DDX27: variants seen among roughly 807,000 people sequenced by gnomAD.
DDX27 encodes the protein DEAD-box helicase 27, also known as probable ATP-dependent RNA helicase DDX27.
Under a neutral mutation model 99.3 loss-of-function variants are expected in DDX27, and 42 were observed. The ratio of observed to expected loss-of-function variants is 0.42; its 90% CI spans 0.33 to 0.55. DDX27 has a LOEUF of 0.55. Ranked by LOEUF, DDX27 falls within the 20% of genes least tolerant of loss-of-function variation. The pLI is 0.07. For synonymous variants in DDX27, 329 were observed against 353.8 expected (o/e 0.93, Z 0.79); for missense variants, 798 against 976.8 (o/e 0.82, Z 2.44).
intron 1 of DDX27, 89 bp from the exon 2 acceptor site, chr20:49,221,363 C>T (rs548768470): frequency 1.3e-5 from 19 of 1,506,312 alleles, no homozygotes; most frequent in Admixed American, 1.8e-5. Flanking sequence ...GCTGGGATTA[C>T]AGGTGTGAGC....
At chr20:49,219,770 T>C (rs1979568002) in intron 1 of DDX27, among the ~76,000 whole-genome samples, 1 of 152,134 alleles carries the variant, frequency 6.6e-6, no homozygotes, top group African/African-American at 2.4e-5. Context: ...GAACTCAGTA[T>C]CTATTCACTG....
intron 14 of DDX27, chr20:49,238,467 A>AT (rs11313004): frequency 8.2e-4 from 119 of 144,462 alleles, no homozygotes; most frequent in South Asian, 3.6e-3. Flanking sequence ...ATGATGGCTA[A>AT]TTTTTTTTTT....
chr20:49,240,272 T>G (rs755746642), intron 16 of DDX27, among the ~76,000 whole-genome samples: 16 of 152,206 alleles, frequency 1.1e-4, no homozygotes, highest in Non-Finnish European at 1.5e-4. Flanking sequence ...TAAAAATAAT[T>G]TTAAAAAAGT....
chr20:49,230,297 C>T lies in DDX27; in HGVS notation c.979C>T (p.Pro327Ser), dbSNP rs1980058827. ...GRLIDHLHNC[P>S]SFHLSSIEVL... ...GCTCATCGATCACCTCCACAACTGC[C>T]CTTCCTTCCACCTGAGCAGCATCGA... The change falls in exon 9 of 21, where the codon CCT (proline) becomes TCT (serine). Residue 327 changes from proline (P) to serine (S), a missense_variant. Pro to Ser is a moderately conservative substitution (Grantham distance 74). Transcript: ENST00000618172. 3.1e-6 allele frequency: 5 copies of T among 1,612,546 alleles called. No homozygotes were observed. The highest frequency in any genetic ancestry group is 3.4e-6 in the Non-Finnish European group (4 of 1,180,022).
At chr20:49,222,764 C>T (rs372619577) in intron 2 of DDX27, among the ~76,000 whole-genome samples, 193 bp from the exon 3 acceptor site, 3 of 152,044 alleles carry the variant, frequency 2.0e-5, no homozygotes, top group East Asian at 1.9e-4. Context: ...CTACCCACCT[C>T]GGCCTCCCAA....
intron 14 of DDX27, 158 bp from the exon 15 acceptor site, chr20:49,238,787 TTTTG>T: frequency 2.3e-5 from 6 of 259,620 alleles, no homozygotes; most frequent in South Asian, 1.2e-4. Flanking sequence ...TTTTTTTTTT[TTTTG>T]TAGAGACAGA....
chr20:49,222,358 G>A (rs933190237), intron 2 of DDX27, among the ~76,000 whole-genome samples: 4 of 151,430 alleles, frequency 2.6e-5, no homozygotes, highest in Non-Finnish European at 4.4e-5. Flanking sequence ...CACCCAGGCC[G>A]GAGTGCAATG....
At chr20:49,224,796 C>A in intron 4 of DDX27, 149 bp from the exon 5 acceptor site, 1 of 786,136 alleles carries the variant, frequency 1.3e-6, no homozygotes, top group Non-Finnish European at 2.1e-6. Flanking sequence ...CACCATGCTG[C>A]CACAAAGTGT....
intron 14 of DDX27, 132 bp from the exon 15 acceptor site, chr20:49,238,817 C>T: frequency 3.4e-6 from 2 of 584,820 alleles, no homozygotes; most frequent in Admixed American, 5.9e-5. Context: ...GCCACGTTGC[C>T]CAGGCTGGCC....
In DDX27 at chr20:49,226,498, G is replaced by C; in HGVS notation, c.669G>C (p.Leu223Phe). 1 of 1,614,074 alleles carries C rather than the reference G, an allele frequency of 6.2e-7. No individual in the cohort carries two copies. Among genetic ancestry groups the C allele is most frequent in the Non-Finnish European group, 8.5e-7 (1 of 1,179,992 alleles). The change falls in exon 7 of 21, where the codon TTG (leucine) becomes TTC (phenylalanine). Residue 223 changes from leucine to phenylalanine, a missense_variant. Around this residue, in one of 2 missense-constraint regions of DDX27, gnomAD observed 553 missense variants for 727.9 expected, o/e 0.76. Coordinates refer to ENST00000618172, the MANE Select transcript of DDX27 (RefSeq NM_017895.8). ...IQKACIPVGLLGKDICACAAT... is the reference protein window; with the variant it reads ...IQKACIPVGLFGKDICACAAT... ...AGGCGTGCATACCTGTGGGTCTATTGGGGAAGGACATCTGTGCCTGTGCAG... is the reference window on the plus strand; with the variant it reads ...AGGCGTGCATACCTGTGGGTCTATTCGGGAAGGACATCTGTGCCTGTGCAG...
intron 14 of DDX27, chr20:49,238,642 A>G: frequency 3.2e-6 from 1 of 314,780 alleles, no homozygotes; most frequent in Non-Finnish European, 5.9e-6. Flanking sequence ...TGATTTTTGT[A>G]TTTTTAATAG....
rs202184200 is a variant in DDX27, at chr20:49,223,444, C to T, written c.466+11C>T. 3.7e-3 allele frequency: 5,893 copies of T among 1,601,064 alleles called. 128 individuals are homozygous for T. The South Asian group carries it at 0.042, about 11-fold the overall frequency. The stretch of plus-strand genomic sequence containing the variant: ...TCCTCACCAAAGCAGGTAGACGTTA[C>T]GGCGGAGGTGTCAGTAATGGGGACA... On this transcript the variant is annotated intron_variant, in intron 4 of 20. Transcript: ENST00000618172.
intron 4 of DDX27, 139 bp downstream of exon 4, chr20:49,223,572 C>CT (rs375594056): frequency 0.089 from 38,956 of 438,394 alleles, 730 homozygotes; most frequent in African/African-American, 0.16. Context: ...TCCTTTCTTT[C>CT]TTTTTTTTTT....
chr20:49,225,127 T>G lies in DDX27; in HGVS notation c.528T>G (p.Phe176Leu). The G allele has an allele frequency of 6.2e-7, 1 of 1,614,124 alleles. No individual in the cohort carries two copies. The highest frequency in any genetic ancestry group is 2.2e-5 in the East Asian group (1 of 44,886). The change falls in exon 6 of 21, where the codon TTT becomes TTG. Residue 176 changes from phenylalanine (F) to leucine (L), a missense_variant. Transcript: ENST00000618172. ...KKKKGQEAGG[F>L]FEDASQYDEN... Reference sequence around the variant, plus strand: ...TTCTGGTGTAGGAAGCAGGAGGATTTTTTGAAGATGCATCTCAGTACGATG... The same window carrying G: ...TTCTGGTGTAGGAAGCAGGAGGATTGTTTGAAGATGCATCTCAGTACGATG...
intron 7 of DDX27, among the ~76,000 whole-genome samples, chr20:49,227,213 G>T (rs964638902): frequency 6.6e-6 from 1 of 152,128 alleles, no homozygotes; most frequent in African/African-American, 2.4e-5. Context: ...AGTATTTGTA[G>T]ATCAGTGGCA....
intron 6 of DDX27, among the ~76,000 whole-genome samples, chr20:49,225,690 C>T (rs238160): frequency 0.69 from 104,215 of 151,680 alleles, 36,600 homozygotes; most frequent in Non-Finnish European, 0.77. Context: ...CTCCTGACCT[C>T]GTGATCCGCC....
intron 6 of DDX27, among the ~76,000 whole-genome samples, chr20:49,225,525 G>A (rs899324093): frequency 4.4e-5 from 6 of 136,524 alleles, no homozygotes; most frequent in African/African-American, 1.4e-4. Flanking sequence ...GCACAATCTC[G>A]GCTCACTGCA....
At chr20:49,232,265 A>T (rs560772247) in intron 9 of DDX27, among the ~76,000 whole-genome samples, 1 of 152,244 alleles carries the variant, frequency 6.6e-6, no homozygotes, top group South Asian at 2.1e-4. Flanking sequence ...TAGATGCAGG[A>T]AGACTAGAGA....
intron 6 of DDX27, among the ~76,000 whole-genome samples, chr20:49,225,453 C>CTTTTTTT (rs772387461): frequency 1.9e-5 from 2 of 107,266 alleles, no homozygotes; most frequent in Non-Finnish European, 3.5e-5. Context: ...AGAGAACTCC[C>CTTTTTTT]TTTTTTTTTT....
Sources: allele counts gnomAD v4.1 joint callset (sites outside exome capture counted in the v4.1 genomes callset), GRCh38; gene constraint gnomAD v4.1.1; regional missense constraint gnomAD v4.1.1; transcripts MANE v1.5; gene names NCBI Gene and HGNC (gene_info 2026-07-23, HGNC 2026-07-21).